The following CARD8 variants were observed in gnomAD, a reference collection of about 807,000 sequenced individuals.
CARD8 encodes the protein caspase recruitment domain family member 8.
CARD8 carries 38 observed loss-of-function variants against 53.2 expected under a neutral mutation model. The observed-to-expected ratio is 0.71, with a 90% CI of 0.55 to 0.94. The LOEUF (loss-of-function observed/expected upper bound fraction) is 0.94, where lower values mean the gene tolerates loss of function less well. Ranked by LOEUF, CARD8 falls within the 40% of genes least tolerant of loss-of-function variation. The pLI is 0.00. For synonymous variants in CARD8, 245 were observed against 244.9 expected, an observed-to-expected ratio of 1.00 and a Z score of 0.00; for missense variants, 561 against 655.5, an observed-to-expected ratio of 0.86 and a Z score of 1.57.
At position 48,221,765 on chromosome 19, in the gene CARD8, C is replaced by T; in HGVS notation, c.1126G>A (p.Val376Met). 1 of 1,607,512 alleles carries T rather than the reference C, an allele frequency of 6.2e-7. No individual in the cohort carries two copies. Among genetic ancestry groups the T allele is most frequent in the Non-Finnish European group, 8.5e-7 (1 of 1,175,354 alleles). Residue 376 changes from valine (V) to methionine (M), a missense_variant, in exon 11 of 14, where the codon GTG (valine) becomes ATG (methionine). Physicochemically the swap from Val to Met is conservative, Grantham distance 21. Coordinates refer to ENST00000651546, the MANE Select transcript of CARD8 (RefSeq NM_001184900.3). ...EPLNFGSSYI[V>M]SNSANLKVMP... ...ACTTTCAGGTTAGCAGAATTAGACA[C>T]AATATAACTGGAACCAAAGTTCAGG...
At chr19:48,231,989 G>A in intron 7 of CARD8, 179 bp from the exon 8 acceptor site, 1 of 697,412 alleles carries the variant, frequency 1.4e-6, no homozygotes. Context: ...GCACAAGAAT[G>A]TTCCTTGTCA....
chr19:48,211,793 C>G lies in CARD8; in HGVS notation c.1531G>C (p.Asp511His). 1 of 1,614,156 alleles carries G rather than the reference C, an allele frequency of 6.2e-7. No homozygotes were observed. The highest frequency in any genetic ancestry group is 8.5e-7 in the Non-Finnish European group (1 of 1,180,022). The change falls in exon 14 of 14, where the codon GAC becomes CAC. Residue 511 changes from aspartate (D) to histidine (H), a missense_variant. Physicochemically the swap from Asp to His is moderately conservative, Grantham distance 81. Coordinates refer to ENST00000651546, the MANE Select transcript of CARD8 (RefSeq NM_001184900.3). ...CTGAAGAGCACGTCCAGGGCCAGGT[C>G]CCCTTTCTTCTCCACCATGCTCAGC... is the stretch of plus-strand genomic sequence containing the variant. ...ALLSMVEKKG[D>H]LALDVLFRSI...
At position 48,230,706 on chromosome 19, in the gene CARD8, G is replaced by C. The variant is rs1360753656; in HGVS notation, c.773-6C>G. On this transcript the variant is annotated splice_polypyrimidine_tract_variant and splice_region_variant and intron_variant, in intron 9 of 13. Transcript: ENST00000651546. The stretch of plus-strand genomic sequence containing the variant: ...GGAGACGTCCACCTCACCTGCTGCA[G>C]GAGAACCACAACAGCAGTGAGACGG... 1 of 1,613,332 alleles carries C rather than the reference G, an allele frequency of 6.2e-7. No homozygotes were observed. The highest frequency in any genetic ancestry group is 8.5e-7 in the Non-Finnish European group (1 of 1,179,416).
In CARD8 at chr19:48,221,867, G is replaced by C. The variant is rs1001446432; in HGVS notation, c.1036-12C>G. 7 of 1,579,156 alleles carry C rather than the reference G, an allele frequency of 4.4e-6. No individual in the cohort carries two copies. In the African/African-American group the frequency reaches 9.5e-5, roughly 21 times the overall value. On this transcript the variant is annotated splice_polypyrimidine_tract_variant and intron_variant, in intron 10 of 13. Transcript: ENST00000651546. The stretch of plus-strand genomic sequence containing the variant: ...TCATCATCTATCGCCTAAGGAAGAA[G>C]GGGCAGAAACATTAGAGAGCACAAA...
intron 13 of CARD8, among the ~76,000 whole-genome samples, chr19:48,213,710 C>A (rs2038551463): frequency 6.6e-6 from 1 of 152,164 alleles, no homozygotes; most frequent in Admixed American, 6.5e-5. Flanking sequence ...AATTTTTTCT[C>A]TGCTATATAC....
At position 48,230,859 on chromosome 19, in the gene CARD8, C is replaced by T. The variant is rs768431244; in HGVS notation, c.690G>A (p.Val230=). 6.2e-7 allele frequency: 1 copy of T among 1,614,178 alleles called. No individual in the cohort carries two copies. The highest frequency in any genetic ancestry group is 1.1e-5 in the South Asian group (1 of 91,084). Residue 230 remains valine (V), a synonymous_variant, in exon 9 of 14, where the codon GTG becomes GTA. Transcript: ENST00000651546. ...CAGTGACATCAAACAAGGGGCCGCCCACCAGCCACTGTTCATGGTGCTGCA... is the reference window on the plus strand; with the variant it reads ...CAGTGACATCAAACAAGGGGCCGCCTACCAGCCACTGTTCATGGTGCTGCA... ...LDLQHHEQWL[V]GGPLFDVTAE...
At chr19:48,220,912 A>T (rs2040378201) in intron 11 of CARD8, among the ~76,000 whole-genome samples, 1 of 138,440 alleles carries the variant, frequency 7.2e-6, no homozygotes, top group African/African-American at 2.7e-5. Flanking sequence ...CTCCATCAAA[A>T]AAGAAGGAAA....
rs11665981 is a variant in CARD8 at position 48,209,179 on chromosome 19, C to T, written c.*2531G>A. ...GGCTGTGGTGGTGCATGCCTGTAAT[C>T]CCAGCTACTCTGGAGGCTGAGGCAC... On this transcript the variant is annotated 3_prime_UTR_variant, in exon 14 of 14. Coordinates refer to ENST00000651546, the MANE Select transcript of CARD8 (RefSeq NM_001184900.3). The T allele has an allele frequency of 0.31, 47,266 of 151,002 alleles. 7,731 individuals are homozygous for T. The highest frequency in any genetic ancestry group is 0.52 in the East Asian group (2,647 of 5,114). 9.4% of individuals were successfully genotyped at this position (151,002 alleles called of 1,614,324 possible).
At chr19:48,204,491 G>A (rs1264066093), downstream of CARD8, among the ~76,000 whole-genome samples, 1 of 152,066 alleles carries the variant, frequency 6.6e-6, no homozygotes, top group Non-Finnish European at 1.5e-5. Flanking sequence ...AAGGGGAAGT[G>A]GAAACGCAGT....
intron 3 of CARD8, among the ~76,000 whole-genome samples, 162 bp downstream of exon 3, chr19:48,249,361 C>G (rs1432788350): frequency 6.6e-6 from 1 of 152,140 alleles, no homozygotes; most frequent in Non-Finnish European, 1.5e-5. Flanking sequence ...ATAGTGGCAA[C>G]AGCCGAGAGT....
rs926271180 is a variant in CARD8 at position 48,215,481 on chromosome 19, AT to A, written c.1304-98del. On this transcript the variant is annotated intron_variant, in intron 12 of 13. Transcript: ENST00000651546. ...TGATGCAACCAACTGAAATAATTTAATTCTACATATGTCATAAGGCTCTTGT... is the reference window on the plus strand; with the variant it reads ...TGATGCAACCAACTGAAATAATTTAATCTACATATGTCATAAGGCTCTTGT... 4 of 808,044 alleles carry A rather than the reference AT, an allele frequency of 5.0e-6. No individual in the cohort carries two copies. The African/African-American group carries it at 6.8e-5, about 14-fold the overall frequency. The allele number at this position is 808,044 out of a possible 1,614,324, so 50.1% of individuals were successfully genotyped here.
chr19:48,241,139 A>T (rs746405174), intron 3 of CARD8, 76 bp from the exon 4 acceptor site: 8 of 803,138 alleles, frequency 1.0e-5, no homozygotes, highest in African/African-American at 1.7e-5. Flanking sequence ...TGTGTCTCTC[A>T]AAGGTTGACA....
chr19:48,220,515 A>G (rs143770146), intron 11 of CARD8, among the ~76,000 whole-genome samples: 12 of 152,286 alleles, frequency 7.9e-5, no homozygotes, highest in African/African-American at 2.9e-4. Context: ...TTTCCCATTA[A>G]AACTGGAAAA....
At chr19:48,240,762 CTG>C (rs1297220159) in intron 4 of CARD8, among the ~76,000 whole-genome samples, 198 bp downstream of exon 4, 5 of 135,536 alleles carry the variant, frequency 3.7e-5, no homozygotes, top group South Asian at 4.8e-4. Context: ...AAACAAGACT[CTG>C]TGTCAAAAAA....
At chr19:48,226,687 G>C (rs1488926344) in intron 10 of CARD8, among the ~76,000 whole-genome samples, 2 of 152,188 alleles carry the variant, frequency 1.3e-5, no homozygotes, top group Admixed American at 1.3e-4. Flanking sequence ...TAAGCTTGAA[G>C]ACTTTATCCA....
At chr19:48,229,432 C>G (rs2042420763) in intron 10 of CARD8, among the ~76,000 whole-genome samples, 1 of 152,182 alleles carries the variant, frequency 6.6e-6, no homozygotes, top group Non-Finnish European at 1.5e-5. Flanking sequence ...CTGGCCCACT[C>G]TAGGAATAGT....
chr19:48,252,803 G>GTATATA (rs370220292), intron 1 of CARD8, among the ~76,000 whole-genome samples: 921 of 60,756 alleles, frequency 0.015, 11 homozygotes, highest in African/African-American at 0.037. Flanking sequence ...GGCCTTATCA[G>GTATATA]TATATACACA....
chr19:48,230,892 G>A lies in CARD8; in HGVS notation c.657C>T (p.Ala219=). Residue 219 remains alanine (A), a synonymous_variant, in exon 9 of 14, where the codon GCC becomes GCT. Transcript: ENST00000651546. ...IAFGSWSQHL[A]LDLQHHEQWL... ...ACTGTTCATGGTGCTGCAGGTCCAG[G>A]GCCAGGTGCTGACTCCAGGAACCAA... The A allele has an allele frequency of 6.2e-7, 1 of 1,614,174 alleles. No homozygotes were observed. Among genetic ancestry groups the A allele is most frequent in the Non-Finnish European group, 8.5e-7 (1 of 1,180,032 alleles).
chr19:48,229,702 G>A (rs1023679419), intron 10 of CARD8, among the ~76,000 whole-genome samples: 28 of 152,372 alleles, frequency 1.8e-4, no homozygotes, highest in African/African-American at 6.3e-4. Context: ...TCAGAAGAGA[G>A]TGTGGGAATA....
Sources: allele counts gnomAD v4.1 joint callset (sites outside exome capture counted in the v4.1 genomes callset), GRCh38; gene constraint gnomAD v4.1.1; transcripts MANE v1.5; gene names NCBI Gene and HGNC (gene_info 2026-07-23, HGNC 2026-07-21).